The following TYW1B variants were observed in gnomAD, a reference collection of about 807,000 sequenced individuals.
TYW1B encodes S-adenosyl-L-methionine-dependent tRNA 4-demethylwyosine synthase TYW1B.
In TYW1B, 73 loss-of-function variants were observed where a neutral mutation model predicts 86.9. The observed-to-expected ratio is 0.84, with a 90% CI of 0.70 to 1.02. The LOEUF (loss-of-function observed/expected upper bound fraction) is 1.02. TYW1B is among the 50% of genes least tolerant of loss of function. The pLI, the probability that TYW1B is intolerant of heterozygous loss-of-function variation, is 0.00. For missense variants in TYW1B, 637 were observed against 827.4 expected, an observed-to-expected ratio of 0.77 and a Z score of 2.82; for synonymous variants, 248 against 292.8, an observed-to-expected ratio of 0.85 and a Z score of 1.56.
At chr7:72,813,772 T>A (rs1359913533) in intron 3 of TYW1B, among the ~76,000 whole-genome samples, 1 of 152,134 alleles carries the variant, frequency 6.6e-6, no homozygotes, top group Admixed American at 6.6e-5. Flanking sequence ...CCCAGCACTA[T>A]GGGAGGCCGA....
intron 6 of TYW1B, among the ~76,000 whole-genome samples, chr7:72,799,838 T>C (rs781976467): frequency 1.3e-5 from 2 of 152,254 alleles, no homozygotes; most frequent in African/African-American, 2.4e-5. Flanking sequence ...AAGGGGCAAA[T>C]AGTTCCTCCT....
intron 4 of TYW1B, among the ~76,000 whole-genome samples, chr7:72,809,246 T>C (rs1554477443): frequency 2.0e-5 from 3 of 151,980 alleles, no homozygotes; most frequent in African/African-American, 7.2e-5. Context: ...GGTTTCACCA[T>C]GTTAGCCACG....
At chr7:72,612,119 T>C (rs1811948485) in intron 13 of TYW1B, among the ~76,000 whole-genome samples, 1 of 152,112 alleles carries the variant, frequency 6.6e-6, no homozygotes, top group East Asian at 1.9e-4. Context: ...ACTTTAAATA[T>C]GTTACTTTTA....
rs541564620 is a variant in TYW1B, at chr7:72,595,696, AT to A, written c.1786-19978del. Among the ~76,000 whole-genome samples, 457 of 152,272 alleles carry A rather than the reference AT, an allele frequency of 3.0e-3. 5 individuals carry two copies. Among genetic ancestry groups the A allele is most frequent in the African/African-American group, 9.2e-3 (382 of 41,570 alleles). ...AGACTCCATCTCAAAAAATAAATAA[AT>A]AAATATAAATAAAACAAAATTAAAA... is the stretch of plus-strand genomic sequence containing the variant. On this transcript the variant is annotated intron_variant, in intron 13 of 13. Coordinates refer to ENST00000620995, the MANE Select transcript of TYW1B (RefSeq NM_001145440.3).
intron 12 of TYW1B, among the ~76,000 whole-genome samples, chr7:72,626,590 C>T: frequency 6.6e-6 from 1 of 152,166 alleles, no homozygotes; most frequent in East Asian, 1.9e-4. Context: ...TTTCCTGTAT[C>T]TCAGCAAACA....
At chr7:72,629,717 T>C (rs1812437684) in intron 11 of TYW1B, among the ~76,000 whole-genome samples, 1 of 152,122 alleles carries the variant, frequency 6.6e-6, no homozygotes, top group Non-Finnish European at 1.5e-5. Flanking sequence ...CGGCTAAGTT[T>C]AAAAATTTTT....
chr7:72,808,931 A>G (rs1388160331), intron 4 of TYW1B, among the ~76,000 whole-genome samples: 1 of 152,080 alleles, frequency 6.6e-6, no homozygotes, highest in Non-Finnish European at 1.5e-5. Flanking sequence ...ACACAATGCA[A>G]ATGACCAAGA....
intron 11 of TYW1B, among the ~76,000 whole-genome samples, chr7:72,675,976 G>A (rs1372470501): frequency 6.6e-6 from 1 of 152,142 alleles, no homozygotes; most frequent in East Asian, 1.9e-4. Context: ...ATGCTGTTCT[G>A]GTTCAAAGAA....
intron 12 of TYW1B, among the ~76,000 whole-genome samples, chr7:72,624,991 G>A (rs565229343): frequency 2.6e-5 from 4 of 151,876 alleles, no homozygotes; most frequent in South Asian, 2.1e-4. Context: ...CCCAGGAGGC[G>A]GAGGTTGCAG....
At chr7:72,674,624 G>C (rs1328802661) in intron 11 of TYW1B, among the ~76,000 whole-genome samples, 52 of 152,036 alleles carry the variant, frequency 3.4e-4, no homozygotes, top group Non-Finnish European at 8.8e-5. Flanking sequence ...TGGCCACATA[G>C]TGTTGAATCA....
chr7:72,653,137 C>G (rs782280507), intron 11 of TYW1B, among the ~76,000 whole-genome samples: 19 of 151,924 alleles, frequency 1.3e-4, no homozygotes, highest in Non-Finnish European at 2.2e-4. Flanking sequence ...CTAAAGCGAG[C>G]AGAGGAAAAG....
intron 2 of TYW1B, among the ~76,000 whole-genome samples, chr7:72,816,203 C>G (rs1788718618): frequency 6.6e-6 from 1 of 151,924 alleles, no homozygotes; most frequent in Non-Finnish European, 1.5e-5. Context: ...ATGGTAAAAC[C>G]CCGTCTCTAC....
chr7:72,626,642 G>A (rs1200317599), intron 12 of TYW1B, among the ~76,000 whole-genome samples: 1 of 152,100 alleles, frequency 6.6e-6, no homozygotes, highest in Non-Finnish European at 1.5e-5. Flanking sequence ...AAACCCAGGT[G>A]CTATTCTTGA....
intron 11 of TYW1B, among the ~76,000 whole-genome samples, chr7:72,636,004 A>G (rs1469192939): frequency 1.3e-5 from 2 of 152,234 alleles, no homozygotes; most frequent in African/African-American, 4.8e-5. Context: ...ACATGTAGCT[A>G]GTGGCTACCA....
intron 12 of TYW1B, among the ~76,000 whole-genome samples, chr7:72,623,032 AAAGG>A (rs1469806722): frequency 6.6e-6 from 1 of 152,226 alleles, no homozygotes; most frequent in Non-Finnish European, 1.5e-5. Context: ...GTAGATAGAA[AAAGG>A]AAGGAAGAGT....
chr7:72,596,140 C>T (rs190623904), intron 13 of TYW1B, among the ~76,000 whole-genome samples: 1 of 133,132 alleles, frequency 7.5e-6, no homozygotes, highest in East Asian at 2.4e-4. Context: ...CACATCATTG[C>T]ACTCCATCCT....
At chr7:72,776,824 T>C (rs1423050470) in intron 7 of TYW1B, among the ~76,000 whole-genome samples, 2 of 151,668 alleles carry the variant, frequency 1.3e-5, no homozygotes, top group Non-Finnish European at 2.9e-5. Context: ...AATACAAATA[T>C]ATATATATAT....
At chr7:72,786,671 G>A (rs1301022087) in intron 6 of TYW1B, among the ~76,000 whole-genome samples, 2 of 150,366 alleles carry the variant, frequency 1.3e-5, no homozygotes, top group South Asian at 2.1e-4. Flanking sequence ...CGTCTCCCGG[G>A]GTCAAGCAAT....
intron 4 of TYW1B, 141 bp from the exon 5 acceptor site, chr7:72,807,497 C>T: frequency 3.0e-6 from 3 of 1,001,648 alleles, no homozygotes; most frequent in Non-Finnish European, 4.3e-6. Context: ...GGCAAAATGA[C>T]CTTCAAGCCT....
Sources: gnomAD v4.1 joint callset for allele counts (sites outside exome capture counted in the v4.1 genomes callset) on GRCh38, gnomAD v4.1.1 for gene constraint, MANE v1.5 for transcripts, NCBI Gene and HGNC (gene_info 2026-07-23, HGNC 2026-07-21) for gene names.